The following EDA variants were observed in gnomAD, a reference collection of about 807,000 sequenced individuals.
The protein encoded by EDA is ectodysplasin-A.
EDA carries 2 observed loss-of-function variants against 23.6 expected under a neutral mutation model. The observed-to-expected ratio is 0.08, with a 90% CI of 0.03 to 0.27. EDA has a LOEUF of 0.27. EDA is among the 10% of genes least tolerant of loss of function. The pLI is 1.00. For missense variants in EDA, 229 were observed against 324.2 expected, an observed-to-expected ratio of 0.71 and a Z score of 2.26; for synonymous variants, 131 against 132.0, an observed-to-expected ratio of 0.99 and a Z score of 0.05.
At chrX:69,711,161 C>T (rs763542829) in intron 1 of EDA, among the ~76,000 whole-genome samples, 240 of 110,486 alleles carry the variant, frequency 2.2e-3, no homozygotes, top group Non-Finnish European at 2.7e-3. Context: ...TTTTGAGATA[C>T]GTCCCATCAA....
At chrX:69,752,914 G>A (rs917115145) in intron 1 of EDA, among the ~76,000 whole-genome samples, 3 of 111,655 alleles carry the variant, frequency 2.7e-5, no homozygotes, top group Admixed American at 1.9e-4. Context: ...TGTGGGATCG[G>A]TGGTGATATC....
intron 1 of EDA, among the ~76,000 whole-genome samples, chrX:69,709,595 G>A (rs1276033930): frequency 9.0e-6 from 1 of 111,697 alleles, no homozygotes; most frequent in Admixed American, 9.5e-5. Flanking sequence ...GAGGGTGAAC[G>A]AGTTTTTTTC....
intron 1 of EDA, among the ~76,000 whole-genome samples, chrX:69,652,862 G>A (rs181535281): frequency 8.9e-6 from 1 of 112,085 alleles, no homozygotes; most frequent in Admixed American, 9.5e-5. Flanking sequence ...CCAGTACCAT[G>A]CTGTTTTGCT....
intron 1 of EDA, among the ~76,000 whole-genome samples, chrX:69,719,939 G>A (rs957528090): frequency 9.1e-6 from 1 of 110,025 alleles, no homozygotes; most frequent in Admixed American, 9.7e-5. Context: ...TAGTAGGGAT[G>A]GGGTTTCACC....
chrX:69,768,665 C>T (rs975692894), intron 1 of EDA, among the ~76,000 whole-genome samples: 1 of 111,566 alleles, frequency 9.0e-6, no homozygotes, highest in Admixed American at 9.5e-5. Flanking sequence ...GTTATTTAGA[C>T]TCATCTAGGT....
intron 2 of EDA, among the ~76,000 whole-genome samples, chrX:69,988,622 G>A (rs942568941): frequency 1.8e-4 from 20 of 111,852 alleles, no homozygotes; most frequent in South Asian, 3.8e-4. Flanking sequence ...TTGGGAGGCC[G>A]AGGCGGGTGG....
chrX:69,953,812 G>T (rs1207424732), intron 1 of EDA, among the ~76,000 whole-genome samples: 2 of 111,770 alleles, frequency 1.8e-5, no homozygotes, highest in African/African-American at 6.5e-5. Flanking sequence ...AATTGTAATG[G>T]ATGATTGTAA....
rs147603335 is a variant in EDA at position 69,919,837 on chromosome X, T to C, written c.397-37190T>C. On this transcript the variant is annotated intron_variant, in intron 1 of 7. Coordinates refer to ENST00000374552, the MANE Select transcript of EDA (RefSeq NM_001399.5). Reference sequence around the variant, plus strand: ...AAAAAAGACACTAAAAATAAATCTTTGTAGGCTTCATGATTTGTGTAAACT... The same window carrying C: ...AAAAAAGACACTAAAAATAAATCTTCGTAGGCTTCATGATTTGTGTAAACT... Among the ~76,000 whole-genome samples the C allele has an allele frequency of 7.5e-3, 844 of 111,868 alleles. 44 individuals are homozygous for C. The East Asian group carries it at 0.18, about 23-fold the overall frequency.
At position 69,928,078 on chromosome X, in the gene EDA, A is replaced by G. The variant is rs1044957219; in HGVS notation, c.397-28949A>G. Among the ~76,000 whole-genome samples, 3 of 111,774 alleles carry G rather than the reference A, an allele frequency of 2.7e-5. No individual in the cohort carries two copies. In the Admixed American group the frequency reaches 2.9e-4, roughly 11 times the overall value. On this transcript the variant is annotated intron_variant, in intron 1 of 7. Coordinates refer to ENST00000374552, the MANE Select transcript of EDA (RefSeq NM_001399.5). ...CCATGGTGATTGTTATTTCTGTTGT[A>G]TAGATGCCATTAATTTAGAGGTAAG... is the stretch of plus-strand genomic sequence containing the variant.
At chrX:69,711,793 A>C (rs2012055721) in intron 1 of EDA, among the ~76,000 whole-genome samples, 1 of 111,624 alleles carries the variant, frequency 9.0e-6, no homozygotes, top group South Asian at 3.7e-4. Context: ...AGGTGTTTAT[A>C]GTATTCTCTG....
intron 1 of EDA, chrX:69,937,622 C>T (rs2079150504): frequency 9.0e-7 from 1 of 1,114,083 alleles, no homozygotes; most frequent in African/African-American, 1.8e-5. Flanking sequence ...AGTACTGGGT[C>T]TCAATTCCTT....
At chrX:69,852,769 GA>G (rs1173452376) in intron 1 of EDA, among the ~76,000 whole-genome samples, 4 of 109,581 alleles carry the variant, frequency 3.7e-5, no homozygotes, top group Non-Finnish European at 7.6e-5. Context: ...ACTGGAGTGA[GA>G]AAAAAAAATT....
chrX:69,870,364 G>A (rs1476663190), intron 1 of EDA, among the ~76,000 whole-genome samples: 1 of 110,923 alleles, frequency 9.0e-6, no homozygotes, highest in East Asian at 2.8e-4. Context: ...CCAGTGTAGT[G>A]CACCTCCTCA....
intron 1 of EDA, among the ~76,000 whole-genome samples, chrX:69,787,455 C>T (rs1387657407): frequency 2.9e-5 from 3 of 104,869 alleles, no homozygotes; most frequent in African/African-American, 1.0e-4. Context: ...ATGTTTAGCA[C>T]TTCCTTCAGT....
At chrX:69,787,427 T>A (rs769129069) in intron 1 of EDA, among the ~76,000 whole-genome samples, 16 of 107,256 alleles carry the variant, frequency 1.5e-4, no homozygotes, top group East Asian at 8.5e-4. Context: ...TGGTGGCTGG[T>A]ACCGGTTGTT....
At chrX:69,988,489 T>A (rs1016780479) in intron 2 of EDA, among the ~76,000 whole-genome samples, 2 of 112,024 alleles carry the variant, frequency 1.8e-5, no homozygotes, top group African/African-American at 6.5e-5. Flanking sequence ...CGTGCCTGTA[T>A]CAAAGTACCT....
At chrX:69,653,325 T>TACATTTC (rs1933168383) in intron 1 of EDA, among the ~76,000 whole-genome samples, 1 of 111,881 alleles carries the variant, frequency 8.9e-6, no homozygotes, top group Non-Finnish European at 1.9e-5. Context: ...ACATTGATTT[T>TACATTTC]GTATCCTGAG....
At chrX:69,662,869 CTG>C (rs1392220651) in intron 1 of EDA, among the ~76,000 whole-genome samples, 1 of 112,358 alleles carries the variant, frequency 8.9e-6, no homozygotes, top group Non-Finnish European at 1.9e-5. Context: ...AACACAGAGA[CTG>C]ATGGCATATT....
intron 1 of EDA, among the ~76,000 whole-genome samples, chrX:69,911,194 AT>A (rs1188469438): frequency 2.7e-5 from 3 of 111,865 alleles, no homozygotes; most frequent in Non-Finnish European, 5.6e-5. Context: ...CAGAACTTTT[AT>A]GTTTAGCTGG....
Sources: allele counts gnomAD v4.1 joint callset (sites outside exome capture counted in the v4.1 genomes callset), GRCh38; gene constraint gnomAD v4.1.1; transcripts MANE v1.5; gene names NCBI Gene and HGNC (gene_info 2026-07-23, HGNC 2026-07-21).